CACNA1E: variants seen among roughly 807,000 people sequenced by gnomAD.
The protein encoded by CACNA1E is voltage-dependent R-type calcium channel subunit alpha-1E.
Under a neutral mutation model 259.2 loss-of-function variants are expected in CACNA1E, and 40 were observed. That is an observed-to-expected ratio of 0.15 (90% CI 0.12 to 0.20). The LOEUF (loss-of-function observed/expected upper bound fraction) is 0.20. Ranked by LOEUF, CACNA1E falls within the 10% of genes least tolerant of loss-of-function variation. The pLI is 1.00. For synonymous variants in CACNA1E, 1,104 were observed against 1,138.5 expected (o/e 0.97, Z 0.61); for missense variants, 1,874 against 3,040.1 (o/e 0.62, Z 9.02).
At chr1:181,354,964 T>C (rs776341348) in intron 1 of CACNA1E, among the ~76,000 whole-genome samples, 24 of 152,182 alleles carry the variant, frequency 1.6e-4, no homozygotes, top group African/African-American at 7.2e-5. Context: ...AATTGTGCAA[T>C]GAGAGCAAAG....
At chr1:181,457,956 A>C (rs1661564466) in intron 2 of CACNA1E, among the ~76,000 whole-genome samples, 1 of 152,078 alleles carries the variant, frequency 6.6e-6, no homozygotes, top group Non-Finnish European at 1.5e-5. Flanking sequence ...TGAGGCCGGG[A>C]GTGGGTGGGG....
intron 6 of CACNA1E, among the ~76,000 whole-genome samples, chr1:181,600,972 A>G (rs764212162): frequency 6.6e-6 from 1 of 152,170 alleles, no homozygotes; most frequent in Non-Finnish European, 1.5e-5. Context: ...CAGTAGGTCT[A>G]TTACTAAGGC....
At chr1:181,390,329 A>ATTTATTTATTTATTTG (rs113119746) in intron 1 of CACNA1E, among the ~76,000 whole-genome samples, 1 of 151,332 alleles carries the variant, frequency 6.6e-6, no homozygotes, top group African/African-American at 2.4e-5. Context: ...TTATTTATTT[A>ATTTATTTATTTATTTG]TTTGTTTTTT....
At chr1:181,721,249 C>T (rs1424825744) in intron 15 of CACNA1E, among the ~76,000 whole-genome samples, 1 of 152,144 alleles carries the variant, frequency 6.6e-6, no homozygotes, top group Non-Finnish European at 1.5e-5. Flanking sequence ...CTACTCCCCC[C>T]AAAACTCAAC....
At chr1:181,605,447 G>A (rs539118026) in intron 6 of CACNA1E, among the ~76,000 whole-genome samples, 3 of 152,244 alleles carry the variant, frequency 2.0e-5, no homozygotes, top group East Asian at 1.9e-4. Flanking sequence ...AAACACACAC[G>A]AGAAGAGTAT....
rs374873667 is a variant in CACNA1E, at chr1:181,483,915, C to T, written c.171C>T (p.Pro57=). The T allele has an allele frequency of 3.7e-6, 6 of 1,613,600 alleles. No individual in the cohort carries two copies. The African/African-American group carries it at 5.3e-5, about 14-fold the overall frequency. The change falls in exon 1 of 48, where the codon CCC becomes CCT. Residue 57 remains proline, a synonymous_variant. Coordinates refer to ENST00000367573, the MANE Select transcript of CACNA1E (RefSeq NM_001205293.3). ...CTATGGCTTTGTACAACCCCATTCC[C>T]GTCCGGCAGAACTGTTTCACCGTCA... is the stretch of plus-strand genomic sequence containing the variant. ...ARTMALYNPI[P]VRQNCFTVNR...
rs549205140 is a variant in CACNA1E at position 181,462,127 on chromosome 1, A to ATGATT, written c.435-21612_435-21608dup. 7.4e-3 allele frequency among the ~76,000 whole-genome samples: 1,120 copies of ATGATT among 152,344 alleles called. 7 individuals are homozygous for ATGATT. The highest frequency in any genetic ancestry group is 0.024 in the African/African-American group (978 of 41,570). The stretch of plus-strand genomic sequence containing the variant: ...GCAAGAATTCTCTTATGTGATTCTT[A>ATGATT]TGATTTGATAACAAGTTCCTTATTG... On this transcript the variant is annotated intron_variant, in intron 2 of 11. Transcript: ENST00000524607.
At chr1:181,737,419 AG>A in intron 22 of CACNA1E, 105 bp from the exon 23 acceptor site, 1 of 1,344,452 alleles carries the variant, frequency 7.4e-7, no homozygotes, top group South Asian at 1.4e-5. Flanking sequence ...TCCTTTGGCA[AG>A]GGCCTGGCTG....
At chr1:181,631,676 C>A (rs1291881643) in intron 6 of CACNA1E, among the ~76,000 whole-genome samples, 1 of 152,116 alleles carries the variant, frequency 6.6e-6, no homozygotes, top group Non-Finnish European at 1.5e-5. Context: ...GTGAAGTAAA[C>A]CCTGGAGCAC....
At chr1:181,367,304 T>C (rs2101941318) in intron 1 of CACNA1E, among the ~76,000 whole-genome samples, 1 of 152,224 alleles carries the variant, frequency 6.6e-6, no homozygotes, top group Non-Finnish European at 1.5e-5. Context: ...ATTGTCACCG[T>C]CTCATCTCTC....
chr1:181,400,130 T>G (rs948152007), intron 1 of CACNA1E, among the ~76,000 whole-genome samples: 2 of 152,224 alleles, frequency 1.3e-5, no homozygotes, highest in Admixed American at 1.3e-4. Context: ...TGAAGCAGAT[T>G]TGAATTTGCT....
intron 2 of CACNA1E, among the ~76,000 whole-genome samples, chr1:181,478,042 T>C (rs1377185029): frequency 6.6e-6 from 1 of 152,210 alleles, no homozygotes; most frequent in Non-Finnish European, 1.5e-5. Context: ...TGGTCACATA[T>C]TGTGAAGAAT....
At chr1:181,637,450 CCCTCCCTT>C (rs1261501899) in intron 6 of CACNA1E, among the ~76,000 whole-genome samples, 15 of 144,896 alleles carry the variant, frequency 1.0e-4, no homozygotes, top group South Asian at 4.5e-4. Flanking sequence ...CTCCCTCCCT[CCCTCCCTT>C]CCTCCTTTCC....
intron 7 of CACNA1E, chr1:181,651,645 A>G: frequency 2.0e-6 from 1 of 503,040 alleles, no homozygotes; most frequent in Non-Finnish European, 3.6e-6. Flanking sequence ...CTCAGGAATT[A>G]AAAAGTCTTG....
chr1:181,684,874 T>TC lies in CACNA1E; in HGVS notation c.1056-26078dup, dbSNP rs1436041646. 8.0e-5 allele frequency among the ~76,000 whole-genome samples: 9 copies of TC among 112,534 alleles called. No homozygotes were observed. The East Asian group carries it at 2.8e-3, about 35-fold the overall frequency. The allele number at this position is 112,534 out of a possible 152,430, so 73.8% of individuals were successfully genotyped here. ...CTTCCTAAATAAAGGATTTTTTAAA[T>TC]CCTTTTTTTTTTTTTTTGCCTTGTT... is the stretch of plus-strand genomic sequence containing the variant. On this transcript the variant is annotated intron_variant, in intron 7 of 47. Transcript: ENST00000367573.
intron 1 of CACNA1E, among the ~76,000 whole-genome samples, chr1:181,378,156 C>T (rs1162113398): frequency 6.6e-6 from 1 of 152,126 alleles, no homozygotes; most frequent in Admixed American, 6.5e-5. Flanking sequence ...TGGGCTGATC[C>T]TTCCTTCAAT....
At chr1:181,583,144 A>ACACACT (rs917919458) in intron 6 of CACNA1E, among the ~76,000 whole-genome samples, 22 of 150,156 alleles carry the variant, frequency 1.5e-4, no homozygotes, top group African/African-American at 5.2e-4. Context: ...ACACACACAC[A>ACACACT]CTTATACACA....
chr1:181,473,186 C>T (rs1662625245), intron 2 of CACNA1E, among the ~76,000 whole-genome samples: 1 of 152,174 alleles, frequency 6.6e-6, no homozygotes, highest in Non-Finnish European at 1.5e-5. Flanking sequence ...TTCCCCCTTG[C>T]TCCCTGAACT....
chr1:181,762,070 G>A (rs1338368865), intron 32 of CACNA1E, among the ~76,000 whole-genome samples: 1 of 152,176 alleles, frequency 6.6e-6, no homozygotes, highest in Non-Finnish European at 1.5e-5. Flanking sequence ...TGTGACTTTT[G>A]TTGATAGTTG....
Sources: gnomAD v4.1 joint callset for allele counts (sites outside exome capture counted in the v4.1 genomes callset) on GRCh38, gnomAD v4.1.1 for gene constraint, MANE v1.5 for transcripts, NCBI Gene and HGNC (gene_info 2026-07-23, HGNC 2026-07-21) for gene names.